ARHGAP20: variants seen among roughly 807,000 people sequenced by gnomAD.
ARHGAP20 encodes the protein rho GTPase-activating protein 20.
In ARHGAP20, 34 loss-of-function variants were observed where a neutral mutation model predicts 73.7. The observed-to-expected ratio is 0.46, with a 90% confidence interval of 0.35 to 0.61. The LOEUF (loss-of-function observed/expected upper bound fraction) is 0.61. Ranked by LOEUF, ARHGAP20 falls within the 20% of genes least tolerant of loss-of-function variation. The probability of loss-of-function intolerance (pLI) is 0.00; values close to 1 mark genes in which losing one functional copy is unlikely to be tolerated. For missense variants in ARHGAP20, 1,314 were observed against 1,420.9 expected (o/e 0.92, Z 1.21); for synonymous variants, 523 against 518.2 (o/e 1.01, Z -0.13).
At chr11:110,630,832 T>C (rs553580436) in intron 2 of ARHGAP20, 40 bp from the exon 3 acceptor site, 2 of 1,579,322 alleles carry the variant, frequency 1.3e-6, no homozygotes, top group Non-Finnish European at 1.7e-6. Flanking sequence ...CAAACGATCA[T>C]CTTATAGTTG....
rs372439295 is a variant in ARHGAP20, at chr11:110,670,638, GAAGA to G, written c.188+19905_188+19908del. On this transcript the variant is annotated intron_variant, in intron 2 of 14. Coordinates refer to ENST00000683387, the MANE Select transcript of ARHGAP20 (RefSeq NM_001384657.1). ...TGATAAATTCTACCCAACATTTTAG[GAAGA>G]AATAATGACATTCCTTCATACAATC... 3.3e-5 allele frequency among the ~76,000 whole-genome samples: 5 copies of G among 152,078 alleles called. 1 individual carries two copies. Among genetic ancestry groups the G allele is most frequent in the African/African-American group, 1.2e-4 (5 of 41,532 alleles).
In ARHGAP20 at chr11:110,577,878, AAAAG is replaced by A. The variant is rs1188763648; in HGVS notation, c.*1488_*1491del. 9.1e-6 allele frequency: 9 copies of A among 985,662 alleles called. No individual in the cohort carries two copies. In the South Asian group the frequency reaches 1.4e-4, roughly 15 times the overall value. The allele number at this position is 985,662 out of a possible 1,614,324, so 61.1% of individuals were successfully genotyped here. ...ACTGAAAATGCAACCTTTAGAACAAAAAAGAAAGAACATTTGATATGACCATTTT... is the reference window on the plus strand; with the variant it reads ...ACTGAAAATGCAACCTTTAGAACAAAAAAGAACATTTGATATGACCATTTT... On this transcript the variant is annotated 3_prime_UTR_variant, in exon 15 of 15. Transcript: ENST00000683387.
intron 12 of ARHGAP20, among the ~76,000 whole-genome samples, chr11:110,585,084 AAT>A (rs1220108559): frequency 1.3e-5 from 2 of 150,256 alleles, no homozygotes; most frequent in African/African-American, 2.4e-5. Flanking sequence ...TGAATACATG[AAT>A]ATATGTGAAT....
intron 8 of ARHGAP20, among the ~76,000 whole-genome samples, chr11:110,607,480 T>C (rs1246628273): frequency 2.6e-5 from 4 of 152,210 alleles, no homozygotes; most frequent in Non-Finnish European, 4.4e-5. Context: ...TTCTAAGTAA[T>C]TACGTCCTTT....
chr11:110,630,766 G>A lies in ARHGAP20; in HGVS notation c.215C>T (p.Thr72Ile). Residue 72 changes from threonine to isoleucine, a missense_variant, in exon 3 of 15, where the codon ACA becomes ATA. Physicochemically the swap from Thr to Ile is moderately conservative, Grantham distance 89. Transcript: ENST00000683387. ...CACTAATGATGACAGAAATGTGCATGTGTCAACACTAGCAGAAGGACTGTC... is the reference window on the plus strand; with the variant it reads ...CACTAATGATGACAGAAATGTGCATATGTCAACACTAGCAGAAGGACTGTC... Reference protein sequence around the residue: ...TRDSPSASVDTCTFLSSLVCS... With the variant: ...TRDSPSASVDICTFLSSLVCS... 6.2e-7 allele frequency: 1 copy of A among 1,614,006 alleles called. No individual in the cohort carries two copies. Among genetic ancestry groups the A allele is most frequent in the South Asian group, 1.1e-5 (1 of 91,066 alleles).
At chr11:110,623,613 A>G (rs559606940) in intron 4 of ARHGAP20, among the ~76,000 whole-genome samples, 1 of 152,356 alleles carries the variant, frequency 6.6e-6, no homozygotes, top group South Asian at 2.1e-4. Context: ...TTTTATTTGT[A>G]TAATAAAACA....
chr11:110,609,587 C>T (rs920712838), intron 7 of ARHGAP20, among the ~76,000 whole-genome samples: 4 of 152,072 alleles, frequency 2.6e-5, no homozygotes, highest in African/African-American at 9.7e-5. Flanking sequence ...AGAGAATAGG[C>T]CCAGTCATAG....
rs151338669 is a variant in ARHGAP20 at position 110,586,031 on chromosome 11, A to G, written c.1415+185T>C. Among the ~76,000 whole-genome samples, 77 of 152,310 alleles carry G rather than the reference A, an allele frequency of 5.1e-4. 1 individual carries two copies. The highest frequency in any genetic ancestry group is 1.8e-3 in the African/African-American group (74 of 41,584). ...TCAGATTCAGGTATATGGAAGGTGTACAATCTTCAAGTATTACAATGTTCA... is the reference window on the plus strand; with the variant it reads ...TCAGATTCAGGTATATGGAAGGTGTGCAATCTTCAAGTATTACAATGTTCA... On this transcript the variant is annotated intron_variant, in intron 12 of 14. Transcript: ENST00000683387.
At chr11:110,651,124 C>T (rs1949343240) in intron 2 of ARHGAP20, among the ~76,000 whole-genome samples, 1 of 152,290 alleles carries the variant, frequency 6.6e-6, no homozygotes, top group East Asian at 1.9e-4. Context: ...GAACAACCTG[C>T]TCCTGAATGA....
Position 110,700,476 on chromosome 11 carries a change from G to A in ARHGAP20, c.106-9847C>T, listed in dbSNP as rs1214033755. ...AAAGTATTTCTTGTCTTCCCTACAT[G>A]CCTGTAGCATTTACTTGTGGAGACG... On this transcript the variant is annotated intron_variant, in intron 1 of 14. Transcript: ENST00000683387. 5.3e-5 allele frequency among the ~76,000 whole-genome samples: 8 copies of A among 152,036 alleles called. No individual in the cohort carries two copies. In the East Asian group the frequency reaches 1.2e-3, roughly 22 times the overall value.
chr11:110,651,989 A>G (rs1316238668), intron 2 of ARHGAP20, among the ~76,000 whole-genome samples: 1 of 152,160 alleles, frequency 6.6e-6, no homozygotes, highest in African/African-American at 2.4e-5. Context: ...AGAATCTTCA[A>G]TAAAATGCTG....
At chr11:110,692,809 G>A (rs745741647) in intron 1 of ARHGAP20, among the ~76,000 whole-genome samples, 5 of 151,984 alleles carry the variant, frequency 3.3e-5, no homozygotes, top group Admixed American at 6.6e-5. Context: ...CATCTTCCAA[G>A]GAAGATGAGG....
chr11:110,590,361 A>AACTT (rs1283195484), intron 11 of ARHGAP20, among the ~76,000 whole-genome samples: 1 of 152,152 alleles, frequency 6.6e-6, no homozygotes, highest in Non-Finnish European at 1.5e-5. Flanking sequence ...TGATTTTTTA[A>AACTT]ACTTACAATT....
chr11:110,689,617 C>T (rs1017403377), intron 2 of ARHGAP20, among the ~76,000 whole-genome samples: 1 of 152,080 alleles, frequency 6.6e-6, no homozygotes, highest in African/African-American at 2.4e-5. Flanking sequence ...GGTAGCTAGT[C>T]AGGTGTGAGC....
Position 110,712,366 on chromosome 11 carries a change from G to C in ARHGAP20, c.-135C>G, listed in dbSNP as rs1298624683. The C allele has an allele frequency of 3.3e-6, 2 of 601,766 alleles. No individual in the cohort carries two copies. Among genetic ancestry groups the C allele is most frequent in the African/African-American group, 3.9e-5 (2 of 51,272 alleles). 37.3% of individuals were successfully genotyped at this position (601,766 alleles called of 1,614,324 possible). ...TCAGGCAGGGAGCCGAGCTCCGGGT[G>C]CTCGCCGCGCGCCTCCCGTCGGGGC... On this transcript the variant is annotated 5_prime_UTR_variant, in exon 1 of 15. Coordinates refer to ENST00000683387, the MANE Select transcript of ARHGAP20 (RefSeq NM_001384657.1).
chr11:110,584,354 T>C (rs1193684136), intron 12 of ARHGAP20, among the ~76,000 whole-genome samples: 4 of 151,046 alleles, frequency 2.6e-5, no homozygotes, highest in African/African-American at 4.9e-5. Flanking sequence ...GATTTGTAAA[T>C]GATCAGTCAG....
chr11:110,667,507 C>T (rs1949748383), intron 2 of ARHGAP20, among the ~76,000 whole-genome samples: 1 of 152,062 alleles, frequency 6.6e-6, no homozygotes, highest in Non-Finnish European at 1.5e-5. Flanking sequence ...ACCTAGTCAC[C>T]CAAGAACTCT....
At chr11:110,590,606 A>C in intron 11 of ARHGAP20, 42 bp downstream of exon 11, 285 of 1,527,644 alleles carry the variant, frequency 1.9e-4, no homozygotes, top group Non-Finnish European at 2.2e-4. Context: ...CTCTTTCTCT[A>C]GAGCTACACC....
chr11:110,667,129 T>C (rs2135058421), intron 2 of ARHGAP20, among the ~76,000 whole-genome samples: 1 of 152,314 alleles, frequency 6.6e-6, no homozygotes, highest in South Asian at 2.1e-4. Flanking sequence ...CTAAGATAAT[T>C]GATGAAAATG....
Sources: gnomAD v4.1 joint callset for allele counts (sites outside exome capture counted in the v4.1 genomes callset) on GRCh38, gnomAD v4.1.1 for gene constraint, MANE v1.5 for transcripts, NCBI Gene and HGNC (gene_info 2026-07-23, HGNC 2026-07-21) for gene names.